Variants in MYH11 observed in about 807,000 individuals in gnomAD.
MYH11 encodes myosin-11.
In MYH11, 80 loss-of-function variants were observed where a neutral mutation model predicts 246.6. The ratio of observed to expected loss-of-function variants is 0.32; its 90% CI spans 0.27 to 0.39. The LOEUF (loss-of-function observed/expected upper bound fraction) is 0.39. Ranked by LOEUF, MYH11 falls within the 10% of genes least tolerant of loss-of-function variation. The pLI is 1.00. For missense variants in MYH11, 2,158 were observed against 2,546.8 expected, an observed-to-expected ratio of 0.85 and a Z score of 3.29; for synonymous variants, 1,071 against 1,015.5, an observed-to-expected ratio of 1.05 and a Z score of -1.04.
chr16:15,726,664 G>A (rs558501196), intron 28 of MYH11, 184 bp downstream of exon 28: 1 of 735,558 alleles, frequency 1.4e-6, no homozygotes, highest in African/African-American at 1.7e-5. Flanking sequence ...CACCGTGCCT[G>A]GCCAGAAGGT....
chr16:15,810,035 GTTTTTGTTTTTT>G (rs1191345995), intron 3 of MYH11, among the ~76,000 whole-genome samples: 1 of 151,618 alleles, frequency 6.6e-6, no homozygotes, highest in African/African-American at 2.4e-5. Context: ...TTTTGTTTTT[GTTTTTGTTTTTT>G]TTTGAGACGG....
chr16:15,771,339 T>C (rs1305959734), intron 9 of MYH11, among the ~76,000 whole-genome samples: 2 of 152,026 alleles, frequency 1.3e-5, no homozygotes, highest in African/African-American at 2.4e-5. Flanking sequence ...TCACTTTCCC[T>C]TTGGTTTAAG....
chr16:15,744,497 T>G (rs778034774), intron 20 of MYH11, among the ~76,000 whole-genome samples: 1 of 150,968 alleles, frequency 6.6e-6, no homozygotes, highest in African/African-American at 2.4e-5. Context: ...CTGGCCTTTT[T>G]TTTAAATAAA....
intron 2 of MYH11, among the ~76,000 whole-genome samples, chr16:15,833,385 G>A (rs111451288): frequency 0.35 from 38,581 of 109,596 alleles, 5,289 homozygotes; most frequent in Middle Eastern, 0.39. Context: ...GGGAGGGAGG[G>A]AGGAAGGAAG....
chr16:15,752,896 C>G (rs1031684408), intron 15 of MYH11, among the ~76,000 whole-genome samples: 1 of 152,094 alleles, frequency 6.6e-6, no homozygotes, highest in African/African-American at 2.4e-5. Context: ...ATAAACAAAG[C>G]CTTCCAGGGG....
At chr16:15,764,740 TATA>T (rs2041944388) in intron 9 of MYH11, among the ~76,000 whole-genome samples, 1 of 152,226 alleles carries the variant, frequency 6.6e-6, no homozygotes. Flanking sequence ...GTGTTCAGTT[TATA>T]ATAATTCTTT....
At chr16:15,705,143 G>A (rs1197508315) in intron 40 of MYH11, among the ~76,000 whole-genome samples, 2 of 151,944 alleles carry the variant, frequency 1.3e-5, no homozygotes, top group African/African-American at 4.8e-5. Context: ...TGCCACGCCT[G>A]GCTAATTTTT....
At position 15,750,226 on chromosome 16, in the gene MYH11, T is replaced by C; in HGVS notation, c.1970A>G (p.Tyr657Cys). The C allele has an allele frequency of 6.2e-7, 1 of 1,614,190 alleles. No homozygotes were observed. The highest frequency in any genetic ancestry group is 8.5e-7 in the Non-Finnish European group (1 of 1,180,026). The change falls in exon 16 of 41, where the codon TAC becomes TGC. Residue 657 changes from tyrosine (Y) to cysteine (C), a missense_variant. Tyr to Cys is a radical substitution (Grantham distance 194, BLOSUM62 -2). Transcript: ENST00000300036. The surrounding 1 kb of genome is among the most constrained non-coding windows in gnomAD (Gnocchi z 4.3). ...KGMFRTVGQL[Y>C]KEQLGKLMTT... ...CATCAGCTTGCCCAGCTGCTCCTTG[T>C]ACAGCTGCCCCACTGTGCGGAACAT...
rs1311701790 is a variant in MYH11 at position 15,715,112 on chromosome 16, G to A, written c.5614-31C>T. The stretch of plus-strand genomic sequence containing the variant: ...GCGGAGAGTTGGAGGGGTGGTTAGG[G>A]GAGGCCGGCTGGGGGCTGGGGGCTC... On this transcript the variant is annotated intron_variant, in intron 39 of 40. Coordinates refer to ENST00000300036, the MANE Select transcript of MYH11 (RefSeq NM_002474.3). The A allele has an allele frequency of 4.3e-6, 7 of 1,612,310 alleles. No individual in the cohort carries two copies. In the African/African-American group the frequency reaches 8.0e-5, roughly 18 times the overall value.
intron 27 of MYH11, among the ~76,000 whole-genome samples, chr16:15,730,100 C>T (rs1394856222): frequency 6.6e-6 from 1 of 152,052 alleles, no homozygotes; most frequent in Non-Finnish European, 1.5e-5. Flanking sequence ...CTGCTCTGGT[C>T]ATGTAAAACA....
At chr16:15,816,197 G>A (rs1464900641) in intron 3 of MYH11, among the ~76,000 whole-genome samples, 3 of 152,106 alleles carry the variant, frequency 2.0e-5, no homozygotes, top group Non-Finnish European at 2.9e-5. Context: ...AAAGCACTAA[G>A]GGGAATTTCA....
At chr16:15,719,352 A>T in intron 35 of MYH11, 44 bp from the exon 36 acceptor site, 4 of 1,593,062 alleles carry the variant, frequency 2.5e-6, no homozygotes, top group Non-Finnish European at 3.4e-6. Flanking sequence ...GGGAAAGGCC[A>T]AGCCCCACCA....
At chr16:15,738,438 A>G in intron 24 of MYH11, 127 bp downstream of exon 24, 1 of 851,588 alleles carries the variant, frequency 1.2e-6, no homozygotes, top group Non-Finnish European at 1.8e-6. Context: ...ACTGGAGCTT[A>G]GGAGTTTCGG....
intron 1 of MYH11, among the ~76,000 whole-genome samples, chr16:15,853,748 C>T (rs1357666227): frequency 1.3e-5 from 2 of 152,128 alleles, no homozygotes; most frequent in Non-Finnish European, 2.9e-5. Context: ...ATAAGCCAGG[C>T]GCGGTGGCTC....
Position 15,708,881 on chromosome 16 carries a change from A to C in MYH11, c.5787-4758T>G, listed in dbSNP as rs143607223. 3.1e-5 allele frequency: 49 copies of C among 1,587,436 alleles called. No homozygotes were observed. The East Asian group carries it at 1.1e-3, about 36-fold the overall frequency. ...GAATCCCCGGAGGTTACCATCAGCA[A>C]ACAAGAAGGAGCCCGGTTAAGTATA... On this transcript the variant is annotated intron_variant, in intron 40 of 40. Coordinates refer to ENST00000300036, the MANE Select transcript of MYH11 (RefSeq NM_002474.3).
intron 26 of MYH11, 162 bp from the exon 27 acceptor site, chr16:15,732,870 C>T (rs2041008724): frequency 3.7e-6 from 3 of 821,296 alleles, no homozygotes; most frequent in Admixed American, 2.2e-5. Context: ...CATCTCTGGA[C>T]CTAAAATTTC....
chr16:15,755,580 G>A (rs1003563853), intron 14 of MYH11, among the ~76,000 whole-genome samples: 53 of 152,128 alleles, frequency 3.5e-4, no homozygotes, highest in African/African-American at 1.2e-3. Flanking sequence ...CTTGAGCCCA[G>A]GAATTCAAGA....
At chr16:15,776,693 C>G (rs904914286) in intron 7 of MYH11, among the ~76,000 whole-genome samples, 1 of 152,216 alleles carries the variant, frequency 6.6e-6, no homozygotes, top group African/African-American at 2.4e-5. Flanking sequence ...GATGATACAG[C>G]TAACAAGTGG....
chr16:15,839,554 T>C (rs552373513), intron 1 of MYH11, among the ~76,000 whole-genome samples: 6 of 151,106 alleles, frequency 4.0e-5, no homozygotes, highest in Middle Eastern at 3.4e-3. Flanking sequence ...ATTAATGGAG[T>C]GTGGTGGCAC....
Sources: gnomAD v4.1 joint callset for allele counts (sites outside exome capture counted in the v4.1 genomes callset) on GRCh38, gnomAD v4.1.1 for gene constraint, Gnocchi (gnomAD v3.1) non-coding constraint, MANE v1.5 for transcripts, NCBI Gene and HGNC (gene_info 2026-07-23, HGNC 2026-07-21) for gene names.